The following ADAD2 variants were observed in gnomAD, a reference collection of about 807,000 sequenced individuals.
The protein encoded by ADAD2 is adenosine deaminase domain containing 2, also known as adenosine deaminase domain-containing protein 2.
A neutral mutation model predicts 54.5 loss-of-function variants in ADAD2; 60 were observed. The observed-to-expected ratio is 1.10, with a 90% CI of 0.89 to 1.36. ADAD2 has a LOEUF of 1.36. ADAD2 is among the 40% of genes most tolerant of loss of function. The pLI is 0.00. For missense variants in ADAD2, 1,103 were observed against 801.3 expected (o/e 1.38, Z -4.54); for synonymous variants, 543 against 366.2 (o/e 1.48, Z -5.51).
intron 8 of ADAD2, 65 bp downstream of exon 8, chr16:84,196,435 C>G (rs954318850): frequency 3.2e-6 from 5 of 1,566,046 alleles, no homozygotes; most frequent in Non-Finnish European, 4.3e-6. Flanking sequence ...CATGCATGAG[C>G]TTCCTCACCT....
chr16:84,195,662 C>G lies in ADAD2; in HGVS notation c.1017C>G (p.Ile339Met). ...CCCGCGTCTTCCTGCACCTCTACAT[C>G]AGCAACACCCCCAAGGGCGCGGCCC... ...LKPRVFLHLYISNTPKGAARD... is the reference protein window; with the variant it reads ...LKPRVFLHLYMSNTPKGAARD... Residue 339 changes from isoleucine to methionine, a missense_variant, in exon 6 of 10, where the codon ATC (isoleucine) becomes ATG (methionine). By Grantham distance (10) the Ile-to-Met change is conservative. Coordinates refer to ENST00000315906, the MANE Select transcript of ADAD2 (RefSeq NM_001145400.2). 1 of 1,584,130 alleles carries G rather than the reference C, an allele frequency of 6.3e-7. No individual in the cohort carries two copies. Among genetic ancestry groups the G allele is most frequent in the South Asian group, 1.2e-5 (1 of 86,818 alleles).
At chr16:84,194,665 G>A (rs1567612863) in intron 2 of ADAD2, 83 bp downstream of exon 2, 3 of 1,545,126 alleles carry the variant, frequency 1.9e-6, no homozygotes, top group Non-Finnish European at 2.6e-6. Context: ...AGGCGGAAGT[G>A]GCTGTGCGTG....
chr16:84,193,870 G>T, intron 1 of ADAD2: 1 of 939,866 alleles, frequency 1.1e-6, no homozygotes, highest in Non-Finnish European at 1.6e-6. Context: ...CCCCAGAGGG[G>T]CAGTCCTTGG....
chr16:84,196,252 C>T lies in ADAD2; in HGVS notation c.1408C>T (p.Pro470Ser). Residue 470 changes from proline (P) to serine (S), a missense_variant, in exon 8 of 10, where the codon CCC becomes TCC. Physicochemically the swap from Pro to Ser is moderately conservative, Grantham distance 74 (BLOSUM62 -1). Transcript: ENST00000315906. ...GACCGCCCTGCACCTGTTTGCAGGG[C>T]CCCCGGTGGCCCCTTCCGAACCCAC... ...VRTALHLFAG[P>S]PVAPSEPTPD... 1 of 1,612,234 alleles carries T rather than the reference C, an allele frequency of 6.2e-7. No individual in the cohort carries two copies. Among genetic ancestry groups the T allele is most frequent in the Non-Finnish European group, 8.5e-7 (1 of 1,179,916 alleles).
In ADAD2 at chr16:84,194,946, C is replaced by T. The variant is rs1277020451; in HGVS notation, c.573C>T (p.Thr191=). The T allele has an allele frequency of 1.1e-5, 18 of 1,611,696 alleles. No individual in the cohort carries two copies. The highest frequency in any genetic ancestry group is 2.2e-5 in the East Asian group (1 of 44,876). Reference sequence around the variant, plus strand: ...TGCCTCTTTCAGAGTCCCCCCAGACCTCCAGCCGGCCTCCACTGGCCCCCC... The same window carrying T: ...TGCCTCTTTCAGAGTCCCCCCAGACTTCCAGCCGGCCTCCACTGGCCCCCC... The part of the protein sequence containing the change: ...SQLENPESPQ[T]SSRPPLAPLS... Residue 191 remains threonine (T), a synonymous_variant, in exon 3 of 10, where the codon ACC becomes ACT. Transcript: ENST00000315906.
chr16:84,193,435 C>A (rs1272961644), intron 1 of ADAD2: 3 of 152,360 alleles, frequency 2.0e-5, no homozygotes, highest in Admixed American at 1.3e-4. Context: ...TTGTCTGTTT[C>A]CTCAGAACTG....
At chr16:84,195,478 A>C in intron 5 of ADAD2, 32 bp downstream of exon 5, 3 of 1,605,572 alleles carry the variant, frequency 1.9e-6, no homozygotes, top group Non-Finnish European at 2.6e-6. Flanking sequence ...GCCTGATAGC[A>C]GCCTTCGCCA....
chr16:84,195,283 C>G lies in ADAD2; in HGVS notation c.734-13C>G. 1.2e-6 allele frequency: 2 copies of G among 1,612,166 alleles called. No individual in the cohort carries two copies. Among genetic ancestry groups the G allele is most frequent in the South Asian group, 2.2e-5 (2 of 91,054 alleles). ...TGCCTTAGGCTGGGCCGTCTCTGCC[C>G]CCTCCTGCACAGAGATCCCGCGTGC... On this transcript the variant is annotated splice_polypyrimidine_tract_variant and intron_variant, in intron 4 of 9. Coordinates refer to ENST00000315906, the MANE Select transcript of ADAD2 (RefSeq NM_001145400.2).
Position 84,194,954 on chromosome 16 carries a change from G to A in ADAD2, c.581G>A (p.Arg194Gln), listed in dbSNP as rs774543669. The A allele has an allele frequency of 3.6e-5, 58 of 1,612,168 alleles. No homozygotes were observed. The Middle Eastern group carries it at 4.9e-4, about 14-fold the overall frequency. Residue 194 changes from arginine (R) to glutamine (Q), a missense_variant, in exon 3 of 10, where the codon CGG becomes CAG. Coordinates refer to ENST00000315906, the MANE Select transcript of ADAD2 (RefSeq NM_001145400.2). ...ENPESPQTSSRPPLAPLSVEN... is the reference protein window; with the variant it reads ...ENPESPQTSSQPPLAPLSVEN... ...TCAGAGTCCCCCCAGACCTCCAGCC[G>A]GCCTCCACTGGCCCCCCTGAGCGTA...
At chr16:84,194,853 C>A in intron 2 of ADAD2, 80 bp from the exon 3 acceptor site, 3 of 1,462,730 alleles carry the variant, frequency 2.1e-6, no homozygotes, top group South Asian at 1.3e-5. Flanking sequence ...AAAACTTCCT[C>A]TCCCCGCCTC....
At position 84,196,899 on chromosome 16, in the gene ADAD2, G is replaced by A. The variant is rs781687272; in HGVS notation, c.1677G>A (p.Gln559=). 1 of 1,595,988 alleles carries A rather than the reference G, an allele frequency of 6.3e-7. No individual in the cohort carries two copies. The highest frequency in any genetic ancestry group is 1.8e-5 in the Admixed American group (1 of 56,916). Reference sequence around the variant, plus strand: ...GGCCCTACCAGGAGGCTCGCAGGCAGCTGTCTCTCCTCCTGGACCAGCAGG... The same window carrying A: ...GGCCCTACCAGGAGGCTCGCAGGCAACTGTCTCTCCTCCTGGACCAGCAGG... ...KAGPYQEARR[Q]LSLLLDQQGL... The change falls in exon 10 of 10, where the codon CAG becomes CAA. Residue 559 remains glutamine (Q), a synonymous_variant. Transcript: ENST00000315906.
chr16:84,195,019 G>C (rs765236935), intron 3 of ADAD2, 39 bp downstream of exon 3: 3 of 1,612,688 alleles, frequency 1.9e-6, no homozygotes, highest in Admixed American at 3.3e-5. Flanking sequence ...GTAGTGTCGA[G>C]GGGAGAGGCG....
intron 2 of ADAD2, 143 bp downstream of exon 2, chr16:84,194,725 C>A: frequency 7.0e-7 from 1 of 1,424,222 alleles, no homozygotes; most frequent in South Asian, 1.3e-5. Flanking sequence ...CAGGACGTCA[C>A]CTGCAGGGAG....
At chr16:84,192,112 C>A (rs1390372324) in intron 1 of ADAD2, among the ~76,000 whole-genome samples, 1 of 152,088 alleles carries the variant, frequency 6.6e-6, no homozygotes, top group Non-Finnish European at 1.5e-5. Flanking sequence ...CAATACATAC[C>A]CCTTAAATCC....
chr16:84,195,764 GGGTCA>G, intron 6 of ADAD2, 46 bp from the exon 7 acceptor site: 1 of 1,543,038 alleles, frequency 6.5e-7, no homozygotes, highest in Non-Finnish European at 8.7e-7. Context: ...GTGGGGGCCA[GGGTCA>G]GAAGAGCAGC....
Position 84,196,980 on chromosome 16 carries a change from G to GCCTCGGCGGGA in ADAD2, c.*9_*19dup. 6.3e-7 allele frequency: 1 copy of GCCTCGGCGGGA among 1,586,510 alleles called. No individual in the cohort carries two copies. Among genetic ancestry groups the GCCTCGGCGGGA allele is most frequent in the Middle Eastern group, 1.8e-4 (1 of 5,692 alleles). Reference sequence around the variant, plus strand: ...TGGGCAAATTCAGAAACTGAAGCCAGCCTCGGCGGGACCGAGGTCCCGGAG... The same window carrying GCCTCGGCGGGA: ...TGGGCAAATTCAGAAACTGAAGCCAGCCTCGGCGGGACCTCGGCGGGACCGAGGTCCCGGAG... On this transcript the variant is annotated 3_prime_UTR_variant, in exon 10 of 10. Coordinates refer to ENST00000315906, the MANE Select transcript of ADAD2 (RefSeq NM_001145400.2).
rs980042269 is a variant in ADAD2, at chr16:84,194,944, A to G, written c.571A>G (p.Thr191Ala). Residue 191 changes from threonine (T) to alanine (A), a missense_variant, in exon 3 of 10, where the codon ACC becomes GCC. Thr to Ala is a moderately conservative substitution (Grantham distance 58). Coordinates refer to ENST00000315906, the MANE Select transcript of ADAD2 (RefSeq NM_001145400.2). ...SQLENPESPQ[T>A]SSRPPLAPLS... is the part of the protein sequence containing the mutation. ...CTTGCCTCTTTCAGAGTCCCCCCAGACCTCCAGCCGGCCTCCACTGGCCCC... is the reference window on the plus strand; with the variant it reads ...CTTGCCTCTTTCAGAGTCCCCCCAGGCCTCCAGCCGGCCTCCACTGGCCCC... The G allele has an allele frequency of 6.8e-6, 11 of 1,610,926 alleles. No homozygotes were observed. The highest frequency in any genetic ancestry group is 8.5e-6 in the Non-Finnish European group (10 of 1,178,594).
chr16:84,194,409 G>A (rs1185051348), intron 1 of ADAD2, 33 bp from the exon 2 acceptor site: 17 of 1,593,974 alleles, frequency 1.1e-5, no homozygotes, highest in South Asian at 2.2e-5. Flanking sequence ...GCGAAGGCCA[G>A]GGGGCTGCTT....
rs200811879 is a variant in ADAD2, at chr16:84,194,546, G to A, written c.523G>A (p.Ala175Thr). ...TEAKQQAALS[A>T]LCYIRSQLEN... ...GGCCAAACAGCAGGCAGCGCTCTCT[G>A]CCCTCTGCTACATCCGGAGTCAGCT... Residue 175 changes from alanine to threonine, a missense_variant, in exon 2 of 10, where the codon GCC becomes ACC. Physicochemically the swap from Ala to Thr is moderately conservative, Grantham distance 58 (BLOSUM62 0). Transcript: ENST00000315906. 2 of 1,609,452 alleles carry A rather than the reference G, an allele frequency of 1.2e-6. No individual in the cohort carries two copies. The highest frequency in any genetic ancestry group is 1.3e-5 in the African/African-American group (1 of 74,982).
Sources: gnomAD v4.1 joint callset for allele counts (sites outside exome capture counted in the v4.1 genomes callset) on GRCh38, gnomAD v4.1.1 for gene constraint, MANE v1.5 for transcripts, NCBI Gene and HGNC (gene_info 2026-07-23, HGNC 2026-07-21) for gene names.